Variants in CASR observed in about 807,000 individuals in gnomAD.
CASR encodes the protein calcium sensing receptor.
In CASR, 23 loss-of-function variants were observed where a neutral mutation model predicts 69.1. The observed-to-expected ratio is 0.33, with a 90% confidence interval of 0.24 to 0.47. The LOEUF is 0.47. Ranked by LOEUF, CASR falls within the 20% of genes least tolerant of loss-of-function variation. The probability of loss-of-function intolerance (pLI) is 1.00; values close to 1 mark genes in which losing one functional copy is unlikely to be tolerated. For synonymous variants in CASR, 541 were observed against 544.7 expected (o/e 0.99, Z 0.10); for missense variants, 924 against 1,356.1 (o/e 0.68, Z 5.00).
At position 122,285,081 on chromosome 3, in the gene CASR, G is replaced by A; in HGVS notation, c.3127G>A (p.Glu1043Lys). The A allele has an allele frequency of 1.2e-6, 2 of 1,614,226 alleles. No homozygotes were observed. The highest frequency in any genetic ancestry group is 1.7e-6 in the Non-Finnish European group (2 of 1,180,036). Residue 1043 changes from glutamate to lysine, a missense_variant, in exon 7 of 7, where the codon GAG becomes AAG. Coordinates refer to ENST00000639785, the MANE Select transcript of CASR (RefSeq NM_000388.4). ...QGPVGGDQRP[E>K]VEDPEELSPA... is the part of the protein sequence containing the mutation. ...ACCTGTGGGTGGAGACCAGCGGCCA[G>A]AGGTGGAGGACCCTGAAGAGTTGTC...
chr3:122,283,019 G>A (rs1418118155), intron 6 of CASR, among the ~76,000 whole-genome samples: 1 of 152,178 alleles, frequency 6.6e-6, no homozygotes, highest in African/African-American at 2.4e-5. Context: ...GTAAACAGTT[G>A]TCAGTTGAAT....
At chr3:122,279,433 G>T (rs532562868) in intron 5 of CASR, among the ~76,000 whole-genome samples, 4 of 152,146 alleles carry the variant, frequency 2.6e-5, no homozygotes, top group Non-Finnish European at 5.9e-5. Flanking sequence ...GGACAATATT[G>T]TTTGTATACG....
chr3:122,284,745 A>C lies in CASR; in HGVS notation c.2791A>C (p.Lys931Gln), dbSNP rs746005172. 1.9e-6 allele frequency: 3 copies of C among 1,614,146 alleles called. No homozygotes were observed. The highest frequency in any genetic ancestry group is 3.3e-5 in the Admixed American group (2 of 60,032). Residue 931 changes from lysine to glutamine, a missense_variant, in exon 7 of 7, where the codon AAG becomes CAG. Lys to Gln is a moderately conservative substitution (Grantham distance 53). Coordinates refer to ENST00000639785, the MANE Select transcript of CASR (RefSeq NM_000388.4). ...CCCATTCCCACAGCCCGAGAGGCAG[A>C]AGCAGCAGCAGCCGCTGGCCCTAAC... ...EDPFPQPERQKQQQPLALTQQ... is the reference protein window; with the variant it reads ...EDPFPQPERQQQQQPLALTQQ...
chr3:122,230,165 A>G (rs1452693240), intron 1 of CASR, among the ~76,000 whole-genome samples: 1 of 152,224 alleles, frequency 6.6e-6, no homozygotes, highest in Non-Finnish European at 1.5e-5. Flanking sequence ...CCCCTGGTAG[A>G]GTCTGGGACA....
chr3:122,248,351 G>A (rs377356929), intron 1 of CASR, among the ~76,000 whole-genome samples: 18 of 151,960 alleles, frequency 1.2e-4, no homozygotes, highest in Admixed American at 1.3e-4. Context: ...AGCCAGGCAC[G>A]TGAGTTTGGT....
chr3:122,289,741 G>A lies in CASR; in HGVS notation c.*4550G>A, dbSNP rs183244983. The A allele has an allele frequency of 4.6e-3, 709 of 152,632 alleles. No homozygotes were observed. The highest frequency in any genetic ancestry group is 7.3e-3 in the Non-Finnish European group (502 of 68,340). The allele number at this position is 152,632 out of a possible 1,614,324, so 9.5% of individuals were successfully genotyped here. A position where few individuals can be genotyped will look rare whatever the true frequency, so the allele number is the denominator to read the frequency against. On this transcript the variant is annotated 3_prime_UTR_variant, in exon 7 of 7. Transcript: ENST00000639785. ...CTCCCCTGACCCCTGGACAAGAGTG[G>A]AGGACACTTGGAGTGGAGACAAGCA...
At position 122,283,948 on chromosome 3, in the gene CASR, C is replaced by G; in HGVS notation, c.1994C>G (p.Ser665Cys). Residue 665 changes from serine (S) to cysteine (C), a missense_variant, in exon 7 of 7, where the codon TCC (serine) becomes TGC (cysteine). Physicochemically the swap from Ser to Cys is moderately radical, Grantham distance 112. Transcript: ENST00000639785. ...LFSLLCCFSS[S>C]LFFIGEPQDW... is the part of the protein sequence containing the mutation. ...TCCCTGCTCTGCTGCTTCTCCAGCTCCCTGTTCTTCATCGGGGAGCCCCAG... is the reference window on the plus strand; with the variant it reads ...TCCCTGCTCTGCTGCTTCTCCAGCTGCCTGTTCTTCATCGGGGAGCCCCAG... The G allele has an allele frequency of 6.2e-7, 1 of 1,613,696 alleles. No homozygotes were observed. Among genetic ancestry groups the G allele is most frequent in the Non-Finnish European group, 8.5e-7 (1 of 1,179,934 alleles).
intron 1 of CASR, among the ~76,000 whole-genome samples, chr3:122,192,665 C>A (rs1008283287): frequency 6.6e-6 from 1 of 152,212 alleles, no homozygotes; most frequent in African/African-American, 2.4e-5. Flanking sequence ...GGCCAAGAAA[C>A]TTTCCCAAAT....
chr3:122,250,506 T>G (rs1171704352), intron 1 of CASR, among the ~76,000 whole-genome samples: 1 of 152,216 alleles, frequency 6.6e-6, no homozygotes, highest in East Asian at 1.9e-4. Context: ...TCCATGGGAC[T>G]CCTTAAAATT....
Position 122,183,758 on chromosome 3 carries a change from C to A in CASR, c.-297C>A, listed in dbSNP as rs1288957531. 2 of 152,224 alleles carry A rather than the reference C, an allele frequency of 1.3e-5. No homozygotes were observed. The highest frequency in any genetic ancestry group is 4.8e-5 in the African/African-American group (2 of 41,444). The allele number at this position is 152,224 out of a possible 1,614,324, so 9.4% of individuals were successfully genotyped here. A position where few individuals can be genotyped will look rare whatever the true frequency, so the allele number is the denominator to read the frequency against. On this transcript the variant is annotated 5_prime_UTR_variant, in exon 1 of 7. Coordinates refer to ENST00000639785, the MANE Select transcript of CASR (RefSeq NM_000388.4). The stretch of plus-strand genomic sequence containing the variant: ...GAGAGTGGAAGGAGGGAGCTGTTTG[C>A]CAGCACCGAGGTCTTGCGGCACAGG...
At chr3:122,270,395 T>C (rs2074745516) in intron 4 of CASR, among the ~76,000 whole-genome samples, 1 of 152,226 alleles carries the variant, frequency 6.6e-6, no homozygotes, top group African/African-American at 2.4e-5. Context: ...TCTCCCTTTT[T>C]TCTGATCAGT....
At chr3:122,259,246 C>T (rs1376958403) in intron 3 of CASR, among the ~76,000 whole-genome samples, 2 of 151,876 alleles carry the variant, frequency 1.3e-5, no homozygotes, top group Admixed American at 6.6e-5. Flanking sequence ...CCATTGAAGC[C>T]CTTTTGACCT....
At chr3:122,260,689 TAA>T (rs71136558) in intron 3 of CASR, among the ~76,000 whole-genome samples, 42,126 of 147,752 alleles carry the variant, frequency 0.29, 6,565 homozygotes, top group Non-Finnish European at 0.36. Context: ...TAAAGTATAA[TAA>T]AAAAAAAAAA....
intron 1 of CASR, among the ~76,000 whole-genome samples, chr3:122,221,967 A>G (rs1362839143): frequency 1.3e-5 from 2 of 151,988 alleles, no homozygotes; most frequent in East Asian, 3.9e-4. Context: ...CACAGTCTCC[A>G]TAAAAACAAC....
In CASR at chr3:122,285,889, A is replaced by G; in HGVS notation, c.*698A>G. 6.5e-6 allele frequency: 1 copy of G among 154,048 alleles called. No homozygotes were observed. 9.5% of individuals were successfully genotyped at this position (154,048 alleles called of 1,614,324 possible). ...ATCTGTAATTAATATTCCTATATGT[A>G]GCTTTATCCTTAGGAAAATGCTTCT... On this transcript the variant is annotated 3_prime_UTR_variant, in exon 7 of 7. Transcript: ENST00000639785.
chr3:122,259,268 A>T (rs1316018559), intron 3 of CASR, among the ~76,000 whole-genome samples: 1 of 151,876 alleles, frequency 6.6e-6, no homozygotes, highest in Admixed American at 6.6e-5. Context: ...TTTTTGAAAA[A>T]CTCAAGAAGC....
At chr3:122,271,219 G>A (rs1447374837) in intron 4 of CASR, among the ~76,000 whole-genome samples, 1 of 152,108 alleles carries the variant, frequency 6.6e-6, no homozygotes, top group Non-Finnish European at 1.5e-5. Context: ...GCACTCAAAA[G>A]ACAAGGTTTG....
chr3:122,279,924 A>C (rs534722912), intron 5 of CASR, among the ~76,000 whole-genome samples: 17 of 152,214 alleles, frequency 1.1e-4, no homozygotes, highest in African/African-American at 3.9e-4. Flanking sequence ...CCCAGCATGC[A>C]CTAGCTCTTT....
chr3:122,185,813 T>C (rs1166033421), intron 1 of CASR, among the ~76,000 whole-genome samples: 1 of 152,134 alleles, frequency 6.6e-6, no homozygotes, highest in East Asian at 1.9e-4. Context: ...GGACAAAGCT[T>C]TGTGGTGGAC....
Sources: allele counts gnomAD v4.1 joint callset (sites outside exome capture counted in the v4.1 genomes callset), GRCh38; gene constraint gnomAD v4.1.1; transcripts MANE v1.5; gene names NCBI Gene and HGNC (gene_info 2026-07-23, HGNC 2026-07-21).